Variants in PCDHGA9 observed in about 807,000 individuals in gnomAD.
PCDHGA9 encodes the protein protocadherin gamma-A9.
In PCDHGA9, 37 loss-of-function variants were observed where a neutral mutation model predicts 62.5. That is an observed-to-expected ratio of 0.59 (90% CI 0.46 to 0.78). The LOEUF is 0.78. Among genes scored for constraint, PCDHGA9 ranks in the 30% least tolerant of loss-of-function variants. PCDHGA9 has a pLI of 0.00. For synonymous variants in PCDHGA9, 459 were observed against 484.6 expected, an observed-to-expected ratio of 0.95 and a Z score of 0.69; for missense variants, 1,138 against 1,166.2, an observed-to-expected ratio of 0.98 and a Z score of 0.35.
At chr5:141,451,607 C>T (rs2154563647) in intron 1 of PCDHGA9, among the ~76,000 whole-genome samples, 1 of 152,288 alleles carries the variant, frequency 6.6e-6, no homozygotes, top group Non-Finnish European at 1.5e-5. Context: ...CAAGGCTAGG[C>T]ATGGTGGCTC....
intron 1 of PCDHGA9, among the ~76,000 whole-genome samples, chr5:141,456,808 C>CA (rs1316636483): frequency 6.6e-5 from 10 of 151,878 alleles, no homozygotes; most frequent in Admixed American, 6.6e-4. Flanking sequence ...ACTAAAAATA[C>CA]AAAAAATTAG....
chr5:141,427,377 A>C, intron 1 of PCDHGA9: 1 of 458,500 alleles, frequency 2.2e-6, no homozygotes, highest in Non-Finnish European at 4.4e-6. Flanking sequence ...GACGGTGATC[A>C]CTCTGTTCAA....
chr5:141,465,997 C>T (rs1344380021), intron 1 of PCDHGA9, among the ~76,000 whole-genome samples: 1 of 151,918 alleles, frequency 6.6e-6, no homozygotes, highest in Non-Finnish European at 1.5e-5. Context: ...TGGCAGGCAC[C>T]TGTAGTCCCA....
rs1329435709 is a variant in PCDHGA9 at position 141,485,726 on chromosome 5, C to T, written c.2425-9081C>T. ...ACACTTTGCACTGGATGTGAAGAAGCGCAGCGACGGCAGCCTGGTCCCAGA... is the reference window on the plus strand; with the variant it reads ...ACACTTTGCACTGGATGTGAAGAAGTGCAGCGACGGCAGCCTGGTCCCAGA... On this transcript the variant is annotated intron_variant, in intron 1 of 3. Coordinates refer to ENST00000573521, the MANE Select transcript of PCDHGA9 (RefSeq NM_018921.3). This position sits in a 1 kb window ranked among gnomAD's most constrained non-coding sequence, Gnocchi z 5.7. 2 of 1,614,138 alleles carry T rather than the reference C, an allele frequency of 1.2e-6. No homozygotes were observed. The highest frequency in any genetic ancestry group is 8.5e-7 in the Non-Finnish European group (1 of 1,180,024).
At chr5:141,409,756 C>T in intron 1 of PCDHGA9, 1 of 1,612,994 alleles carries the variant, frequency 6.2e-7, no homozygotes, top group Non-Finnish European at 8.5e-7. Flanking sequence ...TCGCGCAGCG[C>T]GCCTTTGATC....
rs1429860093 is a variant in PCDHGA9, at chr5:141,487,828, C to A, written c.2425-6979C>A. 3 of 1,184,120 alleles carry A rather than the reference C, an allele frequency of 2.5e-6. No individual in the cohort carries two copies. The highest frequency in any genetic ancestry group is 1.5e-5 in the African/African-American group (1 of 64,540). The allele number at this position is 1,184,120 out of a possible 1,614,324, so 73.4% of individuals were successfully genotyped here. A position where few individuals can be genotyped will look rare whatever the true frequency, so the allele number is the denominator to read the frequency against. ...AGTTTAGCATTGGGGGCGGGTCATG[C>A]CTATATCTGAGTAAGAAATGAAAGT... On this transcript the variant is annotated intron_variant, in intron 1 of 3. Coordinates refer to ENST00000573521, the MANE Select transcript of PCDHGA9 (RefSeq NM_018921.3). The surrounding 1 kb of genome is among the most constrained non-coding windows in gnomAD (Gnocchi z 5.0).
chr5:141,418,579 A>C, intron 1 of PCDHGA9: 1 of 1,614,000 alleles, frequency 6.2e-7, no homozygotes. Context: ...ACAACCCCCC[A>C]GTGTTCAGCC....
chr5:141,473,367 T>C (rs1343477225), intron 1 of PCDHGA9, among the ~76,000 whole-genome samples: 1 of 152,178 alleles, frequency 6.6e-6, no homozygotes, highest in Non-Finnish European at 1.5e-5. Flanking sequence ...GCCACCAAAA[T>C]AGCATGGTCC....
chr5:141,432,287 G>T lies in PCDHGA9; in HGVS notation c.2424+26911G>T. 1 of 1,614,216 alleles carries T rather than the reference G, an allele frequency of 6.2e-7. No individual in the cohort carries two copies. The highest frequency in any genetic ancestry group is 8.5e-7 in the Non-Finnish European group (1 of 1,180,030). On this transcript the variant is annotated intron_variant, in intron 1 of 3. Coordinates refer to ENST00000573521, the MANE Select transcript of PCDHGA9 (RefSeq NM_018921.3). This position sits in a 1 kb window ranked among gnomAD's most constrained non-coding sequence, Gnocchi z 6.0. ...ATCGTCCTACGTGTCCATCAACTCC[G>T]ACACTGGGGTACTGTATGCGCTGAG...
chr5:141,432,428 G>C lies in PCDHGA9; in HGVS notation c.2424+27052G>C. 6.2e-7 allele frequency: 1 copy of C among 1,614,232 alleles called. No homozygotes were observed. On this transcript the variant is annotated intron_variant, in intron 1 of 3. Coordinates refer to ENST00000573521, the MANE Select transcript of PCDHGA9 (RefSeq NM_018921.3). The surrounding 1 kb of genome is among the most constrained non-coding windows in gnomAD (Gnocchi z 6.0). ...GAGCCTGTTCGTGCTGGACCAGAAC[G>C]ACAATGCGCCCGAGATCCTGTACCC...
Position 141,487,562 on chromosome 5 carries a change from G to C in PCDHGA9, c.2425-7245G>C. The stretch of plus-strand genomic sequence containing the variant: ...GAAGTCACCCAGTGCACCTATGGCA[G>C]GGGAGCCTGTTCGCCCAAGCTGCCC... On this transcript the variant is annotated intron_variant, in intron 1 of 3. Coordinates refer to ENST00000573521, the MANE Select transcript of PCDHGA9 (RefSeq NM_018921.3). The surrounding 1 kb of genome is among the most constrained non-coding windows in gnomAD (Gnocchi z 5.0). The C allele has an allele frequency of 6.2e-7, 1 of 1,614,178 alleles. No homozygotes were observed.
chr5:141,511,351 C>G lies in PCDHGA9; in HGVS notation c.*178C>G, dbSNP rs1190324197. On this transcript the variant is annotated 3_prime_UTR_variant, in exon 4 of 4. Coordinates refer to ENST00000573521, the MANE Select transcript of PCDHGA9 (RefSeq NM_018921.3). The stretch of plus-strand genomic sequence containing the variant: ...CCAGTCAGCACCTACCCCTTCCCCC[C>G]CAGGGGGTTGAATATGCAAAAGCAG... 6 of 1,386,432 alleles carry G rather than the reference C, an allele frequency of 4.3e-6. No individual in the cohort carries two copies. The highest frequency in any genetic ancestry group is 2.9e-5 in the African/African-American group (2 of 68,574). The allele number at this position is 1,386,432 out of a possible 1,614,324, so 85.9% of individuals were successfully genotyped here.
chr5:141,432,374 C>T lies in PCDHGA9; in HGVS notation c.2424+26998C>T. The T allele has an allele frequency of 6.2e-7, 1 of 1,614,240 alleles. No individual in the cohort carries two copies. The highest frequency in any genetic ancestry group is 1.1e-5 in the South Asian group (1 of 91,082). ...GAAAGTGATGGCGCGGGACAACGGG[C>T]ACCCGCCCCTCAGCAGCAACGTGTC... On this transcript the variant is annotated intron_variant, in intron 1 of 3. Transcript: ENST00000573521. The surrounding 1 kb of genome is among the most constrained non-coding windows in gnomAD (Gnocchi z 6.0).
chr5:141,507,344 AT>A (rs1345461058), intron 3 of PCDHGA9: 5 of 152,206 alleles, frequency 3.3e-5, no homozygotes, highest in Non-Finnish European at 5.9e-5. Context: ...TTTACCTGAA[AT>A]TCAAATTTAA....
At chr5:141,451,812 C>T (rs974567828) in intron 1 of PCDHGA9, among the ~76,000 whole-genome samples, 1 of 149,686 alleles carries the variant, frequency 6.7e-6, no homozygotes, top group Non-Finnish European at 1.5e-5. Context: ...ACCCAGGAGG[C>T]GGAGGTTACA....
intron 1 of PCDHGA9, chr5:141,478,721 C>A: frequency 6.5e-7 from 1 of 1,543,216 alleles, no homozygotes; most frequent in Non-Finnish European, 8.8e-7. Context: ...TGGTGGCCTG[C>A]CAGAGTGTGG....
intron 1 of PCDHGA9, chr5:141,408,319 G>T: frequency 6.2e-7 from 1 of 1,613,896 alleles, no homozygotes; most frequent in Non-Finnish European, 8.5e-7. Context: ...CGATTCCGGA[G>T]GAGCTGGCCA....
intron 1 of PCDHGA9, chr5:141,423,625 A>G (rs375112361): frequency 1.6e-5 from 25 of 1,606,754 alleles, no homozygotes; most frequent in Admixed American, 6.8e-5. Flanking sequence ...AGACTCAGCT[A>G]TCATTTTAGG....
In PCDHGA9 at chr5:141,403,137, G is replaced by C. The variant is rs2094359580; in HGVS notation, c.185G>C (p.Arg62Pro). ...CTGGAGCCCCGGGAGCTGGCGGAGCGCCGAGTCCGCATCGTCTCTAGAGGT... is the reference window on the plus strand; with the variant it reads ...CTGGAGCCCCGGGAGCTGGCGGAGCCCCGAGTCCGCATCGTCTCTAGAGGT... Reference protein sequence around the residue: ...LALEPRELAERRVRIVSRGRT... With the variant: ...LALEPRELAEPRVRIVSRGRT... Residue 62 changes from arginine (R) to proline (P), a missense_variant, in exon 1 of 4, where the codon CGC becomes CCC. Coordinates refer to ENST00000573521, the MANE Select transcript of PCDHGA9 (RefSeq NM_018921.3). 1 of 1,614,038 alleles carries C rather than the reference G, an allele frequency of 6.2e-7. No individual in the cohort carries two copies. Among genetic ancestry groups the C allele is most frequent in the Non-Finnish European group, 8.5e-7 (1 of 1,179,892 alleles).
Sources: gnomAD v4.1 joint callset for allele counts (sites outside exome capture counted in the v4.1 genomes callset) on GRCh38, gnomAD v4.1.1 for gene constraint, Gnocchi (gnomAD v3.1) non-coding constraint, MANE v1.5 for transcripts, NCBI Gene and HGNC (gene_info 2026-07-23, HGNC 2026-07-21) for gene names.